The following CCDC171 variants were observed in gnomAD, a reference collection of about 807,000 sequenced individuals.
CCDC171 encodes the protein coiled-coil domain-containing protein 171.
In CCDC171, 177 loss-of-function variants were observed where a neutral mutation model predicts 168.2. That is an observed-to-expected ratio of 1.05 (90% CI 0.93 to 1.19). CCDC171 has a LOEUF of 1.19. Among genes scored for constraint, CCDC171 ranks in the 50% most tolerant of loss-of-function variants. The pLI is 0.00. For missense variants in CCDC171, 1,991 were observed against 1,539.0 expected (o/e 1.29, Z -4.91); for synonymous variants, 687 against 540.8 (o/e 1.27, Z -3.75).
At chr9:15,664,827 T>A (rs2048613625) in intron 8 of CCDC171, among the ~76,000 whole-genome samples, 1 of 151,170 alleles carries the variant, frequency 6.6e-6, no homozygotes. Context: ...GCCTCCCTAG[T>A]GGCTGGGATT....
chr9:15,895,729 C>G (rs1187352789), intron 24 of CCDC171, among the ~76,000 whole-genome samples: 1 of 152,052 alleles, frequency 6.6e-6, no homozygotes, highest in East Asian at 1.9e-4. Context: ...GCCCACAATT[C>G]TGCTTTAGTC....
At chr9:15,961,694 C>A (rs932146349) in intron 25 of CCDC171, among the ~76,000 whole-genome samples, 1 of 151,964 alleles carries the variant, frequency 6.6e-6, no homozygotes, top group Non-Finnish European at 1.5e-5. Flanking sequence ...CATTTTAGAG[C>A]CATAACTATA....
At chr9:15,667,977 ATAT>A (rs990007892) in intron 9 of CCDC171, among the ~76,000 whole-genome samples, 7 of 152,198 alleles carry the variant, frequency 4.6e-5, no homozygotes, top group Admixed American at 3.3e-4. Context: ...ATGTATTCAA[ATAT>A]TATTCAAATA....
At chr9:15,666,714 A>C (rs6474942) in intron 9 of CCDC171, among the ~76,000 whole-genome samples, 15 of 151,954 alleles carry the variant, frequency 9.9e-5, no homozygotes, top group African/African-American at 2.7e-4. Flanking sequence ...AGTCCCAGCT[A>C]CTCGAGAGGC....
intron 23 of CCDC171, among the ~76,000 whole-genome samples, chr9:15,860,826 G>A (rs554943036): frequency 3.3e-5 from 5 of 151,774 alleles, no homozygotes; most frequent in African/African-American, 9.7e-5. Flanking sequence ...TGTTCTCCCC[G>A]TTATTGGAAG....
chr9:15,797,954 G>T (rs1440623539), intron 21 of CCDC171, among the ~76,000 whole-genome samples: 1 of 152,056 alleles, frequency 6.6e-6, no homozygotes, highest in African/African-American at 2.4e-5. Context: ...ATGTATGTGT[G>T]TGTTTATTTC....
intron 3 of CCDC171, among the ~76,000 whole-genome samples, chr9:15,574,796 T>C (rs954379493): frequency 6.6e-6 from 1 of 152,182 alleles, no homozygotes; most frequent in African/African-American, 2.4e-5. Flanking sequence ...TGTAGGAGTT[T>C]TATTGTTGGA....
chr9:15,991,552 T>C (rs191855509), intron 3 of CCDC171, among the ~76,000 whole-genome samples: 11,156 of 151,292 alleles, frequency 0.074, 1,360 homozygotes, highest in African/African-American at 0.26. Flanking sequence ...ATTCAAAAGC[T>C]AGCAGAAGGC....
At chr9:15,874,431 C>G in intron 23 of CCDC171, 101 bp from the exon 24 acceptor site, 1 of 906,610 alleles carries the variant, frequency 1.1e-6, no homozygotes, top group East Asian at 2.9e-5. Context: ...TCAGGTCCAG[C>G]GATCAATGCA....
At position 15,573,126 on chromosome 9, in the gene CCDC171, C is replaced by G. The variant is rs557491197; in HGVS notation, c.177+1367C>G. On this transcript the variant is annotated intron_variant, in intron 3 of 25. Transcript: ENST00000380701. ...AGTGAGCTGAGATCGTGCCACTGCA[C>G]TCCAGCCTGGGCAACAGAGGAGAGT... 3.9e-5 allele frequency among the ~76,000 whole-genome samples: 6 copies of G among 152,246 alleles called. No individual in the cohort carries two copies. In the East Asian group the frequency reaches 1.2e-3, roughly 29 times the overall value.
intron 23 of CCDC171, among the ~76,000 whole-genome samples, chr9:15,861,897 G>A (rs2061575542): frequency 6.6e-6 from 1 of 151,886 alleles, no homozygotes; most frequent in Admixed American, 6.6e-5. Flanking sequence ...TTGAAGAACT[G>A]CCTTTAGCGC....
intron 4 of CCDC171, among the ~76,000 whole-genome samples, chr9:15,579,493 G>T (rs1418119094): frequency 6.6e-6 from 1 of 152,110 alleles, no homozygotes; most frequent in African/African-American, 2.4e-5. Flanking sequence ...AAAGTCACTG[G>T]ATTTAATCTT....
intron 16 of CCDC171, among the ~76,000 whole-genome samples, chr9:15,739,480 A>C (rs2054708472): frequency 6.6e-6 from 1 of 152,118 alleles, no homozygotes; most frequent in African/African-American, 2.4e-5. Flanking sequence ...CAGCTGAAGG[A>C]GTGTGGGCAA....
In CCDC171 at chr9:15,824,222, T is replaced by C. The variant is rs186128713; in HGVS notation, c.3268-22480T>C. Among the ~76,000 whole-genome samples the C allele has an allele frequency of 2.2e-4, 33 of 152,200 alleles. No homozygotes were observed. The Middle Eastern group carries it at 0.014, about 63-fold the overall frequency. On this transcript the variant is annotated intron_variant, in intron 21 of 25. Coordinates refer to ENST00000380701, the MANE Select transcript of CCDC171 (RefSeq NM_173550.4). ...CACATACTCAGTATATGTATATACA[T>C]ACACTCTACAGTTTATGTAAATAAA... is the stretch of plus-strand genomic sequence containing the variant.
At chr9:15,984,949 A>T (rs1400687630) in intron 3 of CCDC171, among the ~76,000 whole-genome samples, 1 of 152,144 alleles carries the variant, frequency 6.6e-6, no homozygotes, top group Non-Finnish European at 1.5e-5. Context: ...GAAAGTTTTG[A>T]TGTATTTCTA....
At chr9:16,108,710 A>G in the CCDC171 span, among the ~76,000 whole-genome samples, 1 of 152,218 alleles carries the variant, frequency 6.6e-6, no homozygotes, top group Admixed American at 6.5e-5. Context: ...TTGTGTTCAC[A>G]GGTCTGCATC....
At chr9:15,813,873 C>T (rs7871232) in intron 21 of CCDC171, among the ~76,000 whole-genome samples, 69,311 of 151,680 alleles carry the variant, frequency 0.46, 16,116 homozygotes, top group African/African-American at 0.53. Context: ...TTCTGGTGCA[C>T]ACACAATTTT....
intron 14 of CCDC171, among the ~76,000 whole-genome samples, chr9:15,727,579 GGTGTTTACT>G (rs2053888038): frequency 1.3e-5 from 2 of 152,126 alleles, no homozygotes; most frequent in African/African-American, 4.8e-5. Flanking sequence ...AGCCTGAGCA[GGTGTTTACT>G]CAAATCACAA....
rs528756897 is a variant in CCDC171 at position 15,778,914 on chromosome 9, A to G, written c.2899-54A>G. The G allele has an allele frequency of 2.9e-4, 358 of 1,225,130 alleles. 1 individual carries two copies. In the East Asian group the frequency reaches 9.2e-3, roughly 32 times the overall value. The allele number at this position is 1,225,130 out of a possible 1,614,324, so 75.9% of individuals were successfully genotyped here. A position where few individuals can be genotyped will look rare whatever the true frequency, so the allele number is the denominator to read the frequency against. The stretch of plus-strand genomic sequence containing the variant: ...TTAATTTAGTAAAATGGTTATTGCT[A>G]TTGTTAGTAAATCTGTAGTTACTGT... On this transcript the variant is annotated intron_variant, in intron 19 of 25. Coordinates refer to ENST00000380701, the MANE Select transcript of CCDC171 (RefSeq NM_173550.4).
Sources: allele counts gnomAD v4.1 joint callset (sites outside exome capture counted in the v4.1 genomes callset), GRCh38; gene constraint gnomAD v4.1.1; transcripts MANE v1.5; gene names NCBI Gene and HGNC (gene_info 2026-07-23, HGNC 2026-07-21).